The following OTOGL variants were observed in gnomAD, a reference collection of about 807,000 sequenced individuals.
The protein encoded by OTOGL is otogelin like, also known as otogelin-like protein.
In OTOGL, 285 loss-of-function variants were observed where a neutral mutation model predicts 318.5. The ratio of observed to expected loss-of-function variants is 0.89; its 90% confidence interval spans 0.81 to 0.99. The LOEUF is 0.99. OTOGL is among the 50% of genes least tolerant of loss of function. The pLI, the probability that OTOGL is intolerant of heterozygous loss-of-function variation, is 0.00. For missense variants in OTOGL, 2,899 were observed against 2,845.6 expected, an observed-to-expected ratio of 1.02 and a Z score of -0.43; for synonymous variants, 987 against 936.5, an observed-to-expected ratio of 1.05 and a Z score of -0.99.
Position 80,370,634 on chromosome 12 carries a change from T to G in OTOGL, c.6680T>G (p.Ile2227Arg). Reference protein sequence around the residue: ...YECVKTDEGAIILNYTMVCPP... With the variant: ...YECVKTDEGARILNYTMVCPP... ...TGTGTTAAAACTGATGAAGGAGCAA[T>G]AATTCTGAACTACACAATGGTCTGT... is the stretch of plus-strand genomic sequence containing the variant. Residue 2227 changes from isoleucine (I) to arginine (R), a missense_variant, in exon 56 of 59, where the codon ATA (isoleucine) becomes AGA (arginine). Coordinates refer to ENST00000547103, the MANE Select transcript of OTOGL (RefSeq NM_001378609.3). The G allele has an allele frequency of 6.3e-7, 1 of 1,593,766 alleles. No homozygotes were observed. The highest frequency in any genetic ancestry group is 8.6e-7 in the Non-Finnish European group (1 of 1,167,228).
intron 26 of OTOGL, among the ~76,000 whole-genome samples, chr12:80,288,441 C>A (rs1392608940): frequency 6.6e-6 from 1 of 152,060 alleles, no homozygotes; most frequent in African/African-American, 2.4e-5. Flanking sequence ...TGAATGTTGA[C>A]CTGTCCTGCT....
intron 1 of OTOGL, among the ~76,000 whole-genome samples, chr12:80,204,631 T>A (rs1228571547): frequency 3.3e-5 from 5 of 152,128 alleles, no homozygotes; most frequent in Non-Finnish European, 7.4e-5. Context: ...TTTAATAATA[T>A]GGCAGATTAC....
chr12:80,217,360 A>G (rs1877838025), intron 4 of OTOGL, among the ~76,000 whole-genome samples: 1 of 152,182 alleles, frequency 6.6e-6, no homozygotes, highest in African/African-American at 2.4e-5. Flanking sequence ...AAGTAAATAT[A>G]GACTTGTCAA....
intron 18 of OTOGL, among the ~76,000 whole-genome samples, chr12:80,260,291 A>C (rs1882420358): frequency 6.6e-6 from 1 of 152,156 alleles, no homozygotes; most frequent in African/African-American, 2.4e-5. Flanking sequence ...TTGTAGGTCA[A>C]AATATTGATA....
intron 29 of OTOGL, 149 bp downstream of exon 29, chr12:80,305,844 A>C (rs1392798428): frequency 2.7e-6 from 2 of 730,376 alleles, no homozygotes; most frequent in Non-Finnish European, 3.9e-6. Context: ...TTATCTTCTC[A>C]TGTAATTTTT....
At chr12:80,166,238 C>T (rs552078156) in intron 1 of OTOGL, among the ~76,000 whole-genome samples, 1 of 150,190 alleles carries the variant, frequency 6.7e-6, no homozygotes, top group Non-Finnish European at 1.5e-5. Context: ...TCTTCCCTTT[C>T]TTTCATTCTT....
chr12:80,277,553 T>G (rs1883904428), intron 24 of OTOGL, among the ~76,000 whole-genome samples: 1 of 150,790 alleles, frequency 6.6e-6, no homozygotes, highest in African/African-American at 2.4e-5. Context: ...TTAGACACTT[T>G]CAGCGTATAA....
intron 16 of OTOGL, among the ~76,000 whole-genome samples, 186 bp downstream of exon 16, chr12:80,255,371 A>G (rs1881942701): frequency 6.6e-6 from 1 of 152,104 alleles, no homozygotes; most frequent in Non-Finnish European, 1.5e-5. Context: ...ATTCTATGAC[A>G]TACCATTGGT....
chr12:80,120,367 T>C (rs1033560060), intron 1 of OTOGL, among the ~76,000 whole-genome samples: 1 of 152,140 alleles, frequency 6.6e-6, no homozygotes, highest in East Asian at 1.9e-4. Context: ...TTAATATTCA[T>C]CACATTCACC....
At chr12:80,116,243 G>T (rs1870154256) in intron 1 of OTOGL, among the ~76,000 whole-genome samples, 1 of 152,108 alleles carries the variant, frequency 6.6e-6, no homozygotes, top group African/African-American at 2.4e-5. Context: ...TGTAGTATCT[G>T]GGCCGGATAG....
chr12:80,125,933 C>A (rs1471445297), intron 1 of OTOGL, among the ~76,000 whole-genome samples: 1 of 151,804 alleles, frequency 6.6e-6, no homozygotes, highest in East Asian at 1.9e-4. Context: ...TCTCTCTTTT[C>A]TTCTTAATTA....
intron 1 of OTOGL, among the ~76,000 whole-genome samples, chr12:80,143,656 T>C (rs1156641282): frequency 1.3e-5 from 2 of 152,094 alleles, no homozygotes; most frequent in Non-Finnish European, 2.9e-5. Flanking sequence ...CAGAGGTTCA[T>C]TTCAGAGGTG....
Position 80,252,104 on chromosome 12 carries a change from T to G in OTOGL, c.1188T>G (p.His396Gln). The change falls in exon 13 of 59, where the codon CAT becomes CAG. Residue 396 changes from histidine to glutamine, a missense_variant. His to Gln is a conservative substitution (Grantham distance 24). Coordinates refer to ENST00000547103, the MANE Select transcript of OTOGL (RefSeq NM_001378609.3). ...ATAAATGTGATGATAGCTTTGTCCA[T>G]CGGGACTGTATCAGTTGTTGTCCAC... is the stretch of plus-strand genomic sequence containing the variant. ...CTDKCDDSFVHRDCISCCPPT... is the reference protein window; with the variant it reads ...CTDKCDDSFVQRDCISCCPPT... 2 of 1,555,424 alleles carry G rather than the reference T, an allele frequency of 1.3e-6. No homozygotes were observed. The highest frequency in any genetic ancestry group is 1.7e-6 in the Non-Finnish European group (2 of 1,148,144).
At chr12:80,148,847 A>G (rs563911473) in intron 1 of OTOGL, among the ~76,000 whole-genome samples, 1 of 152,270 alleles carries the variant, frequency 6.6e-6, no homozygotes, top group Admixed American at 6.5e-5. Flanking sequence ...TGATCGCATC[A>G]GCTCCTGAGG....
At chr12:80,143,586 C>T (rs1040486603) in intron 1 of OTOGL, among the ~76,000 whole-genome samples, 9 of 150,594 alleles carry the variant, frequency 6.0e-5, no homozygotes, top group Non-Finnish European at 1.2e-4. Flanking sequence ...GCACAAAATT[C>T]TTGCATTGCT....
chr12:80,193,032 A>AT (rs1875806758), intron 1 of OTOGL, among the ~76,000 whole-genome samples: 1 of 152,054 alleles, frequency 6.6e-6, no homozygotes, highest in Admixed American at 6.6e-5. Context: ...AAATTGTGGA[A>AT]TTTTTTAGCA....
intron 1 of OTOGL, among the ~76,000 whole-genome samples, chr12:80,143,624 C>T (rs1004124610): frequency 6.6e-6 from 1 of 152,050 alleles, no homozygotes; most frequent in African/African-American, 2.4e-5. Flanking sequence ...AACTTGAGCC[C>T]CAGGCTGTGG....
intron 26 of OTOGL, among the ~76,000 whole-genome samples, chr12:80,279,895 A>G (rs1334665042): frequency 6.6e-6 from 1 of 151,794 alleles, no homozygotes; most frequent in African/African-American, 2.4e-5. Context: ...AAACTAATTT[A>G]CATTCTCACC....
chr12:80,231,213 A>T (rs940075994), intron 8 of OTOGL, among the ~76,000 whole-genome samples: 2 of 152,152 alleles, frequency 1.3e-5, no homozygotes, highest in Non-Finnish European at 2.9e-5. Flanking sequence ...AACTTAAAAC[A>T]ATTGGTATTT....
Sources: gnomAD v4.1 joint callset for allele counts (sites outside exome capture counted in the v4.1 genomes callset) on GRCh38, gnomAD v4.1.1 for gene constraint, MANE v1.5 for transcripts, NCBI Gene and HGNC (gene_info 2026-07-23, HGNC 2026-07-21) for gene names.